Variants in SYNE2 observed in about 807,000 individuals in gnomAD.
SYNE2 encodes nesprin-2.
Under a neutral mutation model 856.3 loss-of-function variants are expected in SYNE2, and 431 were observed. The observed-to-expected ratio is 0.50, with a 90% confidence interval of 0.47 to 0.55. The LOEUF is 0.55. Ranked by LOEUF, SYNE2 falls within the 20% of genes least tolerant of loss-of-function variation. The probability of loss-of-function intolerance (pLI) is 0.00; values close to 1 mark genes in which losing one functional copy is unlikely to be tolerated. For synonymous variants in SYNE2, 2,923 were observed against 2,872.3 expected, an observed-to-expected ratio of 1.02 and a Z score of -0.56; for missense variants, 8,129 against 8,023.2, an observed-to-expected ratio of 1.01 and a Z score of -0.50.
intron 1 of SYNE2, among the ~76,000 whole-genome samples, chr14:63,816,259 A>G (rs139202680): frequency 3.9e-5 from 6 of 152,006 alleles, no homozygotes; most frequent in Non-Finnish European, 8.8e-5. Context: ...AATTATTATT[A>G]TTACCATATA....
At chr14:64,212,151 G>T in intron 104 of SYNE2, 53 bp downstream of exon 104, 1 of 1,611,286 alleles carries the variant, frequency 6.2e-7, no homozygotes. Flanking sequence ...CTTTGCGTGG[G>T]AGAGCTGGCC....
chr14:64,075,850 A>T, intron 53 of SYNE2, 95 bp from the exon 54 acceptor site: 1 of 1,401,416 alleles, frequency 7.1e-7, no homozygotes, highest in Non-Finnish European at 1.0e-6. Flanking sequence ...GCACTCCTTT[A>T]AATCATAAGG....
chr14:63,922,893 A>C (rs1407435276), intron 2 of SYNE2, among the ~76,000 whole-genome samples: 1 of 152,204 alleles, frequency 6.6e-6, no homozygotes, highest in Non-Finnish European at 1.5e-5. Context: ...AAAATGTAAG[A>C]ACCCTGGATT....
chr14:64,067,407 C>T (rs943422346), intron 51 of SYNE2, among the ~76,000 whole-genome samples: 4 of 152,274 alleles, frequency 2.6e-5, no homozygotes, highest in South Asian at 2.1e-4. Flanking sequence ...CAAACTTAGA[C>T]GCTGGTGCTT....
intron 45 of SYNE2, among the ~76,000 whole-genome samples, chr14:64,047,551 G>A (rs954973831): frequency 6.6e-6 from 1 of 152,156 alleles, no homozygotes; most frequent in African/African-American, 2.4e-5. Context: ...GCCCCTATCT[G>A]TCTAGGCATT....
intron 96 of SYNE2, among the ~76,000 whole-genome samples, chr14:64,177,758 C>T (rs2153733793): frequency 6.6e-6 from 1 of 152,284 alleles, no homozygotes; most frequent in South Asian, 2.1e-4. Flanking sequence ...GTCTGCTCCT[C>T]CTCTGTAATA....
rs115684772 is a variant in SYNE2, at chr14:64,190,592, C to T, written c.18038+355C>T. 214 of 702,072 alleles carry T rather than the reference C, an allele frequency of 3.0e-4. No individual in the cohort carries two copies. In the African/African-American group the frequency reaches 3.6e-3, roughly 12 times the overall value. The allele number at this position is 702,072 out of a possible 1,614,324, so 43.5% of individuals were successfully genotyped here. A position where few individuals can be genotyped will look rare whatever the true frequency, so the allele number is the denominator to read the frequency against. ...CCACAGTGGAGCCATGCCCGTTGCT[C>T]CTGCCTCAGTATGGCAGATCAGGTA... On this transcript the variant is annotated intron_variant, in intron 99 of 115. Coordinates refer to ENST00000555002, the MANE Select transcript of SYNE2 (RefSeq NM_182914.3).
intron 11 of SYNE2, among the ~76,000 whole-genome samples, chr14:63,973,115 G>A (rs541150290): frequency 6.6e-6 from 1 of 152,090 alleles, no homozygotes; most frequent in South Asian, 2.1e-4. Context: ...AATTAGCCAA[G>A]CATGGTGGCA....
chr14:64,165,805 C>T (rs185047755), intron 90 of SYNE2, among the ~76,000 whole-genome samples: 3 of 152,274 alleles, frequency 2.0e-5, no homozygotes, highest in Admixed American at 6.5e-5. Context: ...TGAGCCACTG[C>T]GCCTGGCCTA....
intron 1 of SYNE2, among the ~76,000 whole-genome samples, chr14:63,799,897 C>A (rs1888067352): frequency 6.6e-6 from 1 of 152,088 alleles, no homozygotes; most frequent in Non-Finnish European, 1.5e-5. Flanking sequence ...GAAGATACTG[C>A]CAGATGATCC....
At chr14:63,984,292 T>G (rs2096608888) in intron 18 of SYNE2, among the ~76,000 whole-genome samples, 2 of 152,172 alleles carry the variant, frequency 1.3e-5, no homozygotes, top group South Asian at 4.2e-4. Context: ...AATGTGTGGA[T>G]TGCTAGATAA....
chr14:64,015,363 T>C (rs2096884577), intron 32 of SYNE2, among the ~76,000 whole-genome samples: 1 of 152,050 alleles, frequency 6.6e-6, no homozygotes, highest in Non-Finnish European at 1.5e-5. Flanking sequence ...ATTCATTCAA[T>C]TTCTTTAGTA....
intron 49 of SYNE2, 47 bp from the exon 50 acceptor site, chr14:64,062,704 G>T: frequency 6.6e-7 from 1 of 1,511,066 alleles, no homozygotes; most frequent in Non-Finnish European, 9.2e-7. Flanking sequence ...AATTTATTGT[G>T]TTAAATAAAA....
intron 57 of SYNE2, chr14:64,085,040 G>A (rs1266847529): frequency 1.4e-6 from 1 of 702,126 alleles, no homozygotes; most frequent in Admixed American, 2.0e-5. Flanking sequence ...ATCTCCAAGA[G>A]AGTGAGAGAG....
intron 1 of SYNE2, among the ~76,000 whole-genome samples, chr14:63,790,345 A>G (rs1887690692): frequency 6.6e-6 from 1 of 152,038 alleles, no homozygotes; most frequent in Admixed American, 6.6e-5. Flanking sequence ...CAAAAAAAGA[A>G]AAAGGAAGGA....
chr14:64,091,215 C>T (rs1015138010), intron 60 of SYNE2, among the ~76,000 whole-genome samples, 167 bp downstream of exon 60: 4 of 152,180 alleles, frequency 2.6e-5, no homozygotes, highest in African/African-American at 7.2e-5. Context: ...TTATTTTTCT[C>T]AGTTCTTATC....
intron 32 of SYNE2, among the ~76,000 whole-genome samples, chr14:64,014,678 C>T (rs1180540108): frequency 6.6e-6 from 1 of 152,034 alleles, no homozygotes; most frequent in African/African-American, 2.4e-5. Flanking sequence ...CCACCTCGGC[C>T]TCCCAAAGTG....
rs1202099367 is a variant in SYNE2, at chr14:64,017,679, A to G, written c.4972A>G (p.Ile1658Val). 4 of 1,613,648 alleles carry G rather than the reference A, an allele frequency of 2.5e-6. No homozygotes were observed. The African/African-American group carries it at 5.3e-5, about 22-fold the overall frequency. The part of the protein sequence containing the change: ...WDKLFNLKNV[I>V]DEWTEKALQK... ...CAAACTTTTTAACTTAAAAAATGTC[A>G]TTGATGAGTGGACAGAAAAGGCCCT... The change falls in exon 34 of 116, where the codon ATT (isoleucine) becomes GTT (valine). Residue 1658 changes from isoleucine to valine, a missense_variant. By Grantham distance (29) the Ile-to-Val change is conservative. Coordinates refer to ENST00000555002, the MANE Select transcript of SYNE2 (RefSeq NM_182914.3).
chr14:64,057,803 A>C (rs1171444995), intron 49 of SYNE2, among the ~76,000 whole-genome samples: 1 of 152,192 alleles, frequency 6.6e-6, no homozygotes, highest in Non-Finnish European at 1.5e-5. Flanking sequence ...TCTTTTGGCT[A>C]AAAGCCATTT....
Sources: gnomAD v4.1 joint callset for allele counts (sites outside exome capture counted in the v4.1 genomes callset) on GRCh38, gnomAD v4.1.1 for gene constraint, MANE v1.5 for transcripts, NCBI Gene and HGNC (gene_info 2026-07-23, HGNC 2026-07-21) for gene names.